The following COX4I2 variants were observed in gnomAD, a reference collection of about 807,000 sequenced individuals.
COX4I2 encodes the protein cytochrome c oxidase subunit 4 isoform 2, mitochondrial.
A neutral mutation model predicts 20.8 loss-of-function variants in COX4I2; 15 were observed. That is an observed-to-expected ratio of 0.72 (90% CI 0.48 to 1.11). The LOEUF (loss-of-function observed/expected upper bound fraction) is 1.11. Among genes scored for constraint, COX4I2 ranks in the 50% most tolerant of loss-of-function variants. The pLI, the probability that COX4I2 is intolerant of heterozygous loss-of-function variation, is 0.00. For synonymous variants in COX4I2, 80 were observed against 78.1 expected (o/e 1.02, Z -0.13); for missense variants, 224 against 223.0 (o/e 1.00, Z -0.03).
At chr20:31,638,214 C>T (rs1287452159) in intron 1 of COX4I2, among the ~76,000 whole-genome samples, 2 of 151,994 alleles carry the variant, frequency 1.3e-5, no homozygotes, top group Non-Finnish European at 2.9e-5. Flanking sequence ...AATCACTGGC[C>T]GGAGCCCCTC....
chr20:31,642,791 A>C (rs1432856793), intron 3 of COX4I2, among the ~76,000 whole-genome samples: 2 of 152,142 alleles, frequency 1.3e-5, no homozygotes, highest in Non-Finnish European at 2.9e-5. Context: ...TTTATTGCCT[A>C]GGATGGTCTT....
intron 1 of COX4I2, 60 bp from the exon 2 acceptor site, chr20:31,638,958 G>C: frequency 1.3e-6 from 2 of 1,525,426 alleles, no homozygotes; most frequent in Non-Finnish European, 1.8e-6. Context: ...ATCTGGCCCT[G>C]CGGTTTGGGG....
At chr20:31,641,037 G>A in intron 3 of COX4I2, among the ~76,000 whole-genome samples, 1 of 151,134 alleles carries the variant, frequency 6.6e-6, no homozygotes, top group East Asian at 1.9e-4. Context: ...TGACACTCTT[G>A]GGGGGAGAGG....
At chr20:31,643,636 A>C in intron 4 of COX4I2, 101 bp downstream of exon 4, 1 of 1,443,350 alleles carries the variant, frequency 6.9e-7, no homozygotes, top group South Asian at 1.2e-5. Context: ...ACTCATCTGA[A>C]GAGCTGAAAA....
chr20:31,644,750 C>A lies in COX4I2; in HGVS notation c.380-18C>A. 1 of 1,613,768 alleles carries A rather than the reference C, an allele frequency of 6.2e-7. No individual in the cohort carries two copies. The highest frequency in any genetic ancestry group is 8.5e-7 in the Non-Finnish European group (1 of 1,179,822). Reference sequence around the variant, plus strand: ...GAAGACTGGCAGGATCCTGATCCACCCCATGTACTCCCTGCAGTATTTCCT... The same window carrying A: ...GAAGACTGGCAGGATCCTGATCCACACCATGTACTCCCTGCAGTATTTCCT... On this transcript the variant is annotated intron_variant, in intron 4 of 4. Coordinates refer to ENST00000376075, the MANE Select transcript of COX4I2 (RefSeq NM_032609.3).
intron 3 of COX4I2, among the ~76,000 whole-genome samples, chr20:31,642,066 T>C (rs2060471176): frequency 6.6e-6 from 1 of 151,928 alleles, no homozygotes; most frequent in South Asian, 2.1e-4. Context: ...TTGCTCAGGC[T>C]GGTCTTGAAC....
intron 3 of COX4I2, among the ~76,000 whole-genome samples, chr20:31,640,532 G>A (rs1391308949): frequency 1.3e-5 from 2 of 152,118 alleles, no homozygotes; most frequent in East Asian, 1.9e-4. Context: ...CATGGGGAAG[G>A]GTGTCAGAGC....
intron 1 of COX4I2, among the ~76,000 whole-genome samples, chr20:31,638,241 G>C (rs1324311176): frequency 6.6e-6 from 1 of 151,904 alleles, no homozygotes; most frequent in Non-Finnish European, 1.5e-5. Flanking sequence ...AGAAGTGTGG[G>C]CCGCCCCCTC....
Position 31,644,863 on chromosome 20 carries a change from G to C in COX4I2, c.475G>C (p.Ala159Pro), listed in dbSNP as rs1459663570. The change falls in exon 5 of 5, where the codon GCC becomes CCC. Residue 159 changes from alanine to proline, a missense_variant. Coordinates refer to ENST00000376075, the MANE Select transcript of COX4I2 (RefSeq NM_032609.3). ...GAAGGTGAATCCTGTGCAGGGCCTGGCCTCCCGCTGGGACTATGAGAAGAA... is the reference window on the plus strand; with the variant it reads ...GAAGGTGAATCCTGTGCAGGGCCTGCCCTCCCGCTGGGACTATGAGAAGAA... Reference protein sequence around the residue: ...DMKVNPVQGLASRWDYEKKQW... With the variant: ...DMKVNPVQGLPSRWDYEKKQW... 1 of 1,614,050 alleles carries C rather than the reference G, an allele frequency of 6.2e-7. No homozygotes were observed. The highest frequency in any genetic ancestry group is 8.5e-7 in the Non-Finnish European group (1 of 1,179,994).
chr20:31,640,935 TTC>T (rs143299625), intron 3 of COX4I2, among the ~76,000 whole-genome samples: 23 of 130,040 alleles, frequency 1.8e-4, no homozygotes, highest in Admixed American at 2.4e-4. Flanking sequence ...CCTTTACCCC[TTC>T]TCTCTCTCTC....
At chr20:31,639,131 C>G in intron 2 of COX4I2, 32 bp downstream of exon 2, 2 of 1,585,022 alleles carry the variant, frequency 1.3e-6, no homozygotes, top group East Asian at 2.3e-5. Flanking sequence ...CCCTGCCTAA[C>G]TCCAGAGATA....
Position 31,642,674 on chromosome 20 carries a change from G to A in COX4I2, c.248-730G>A, listed in dbSNP as rs183227077. 3.3e-5 allele frequency among the ~76,000 whole-genome samples: 5 copies of A among 151,638 alleles called. No individual in the cohort carries two copies. In the East Asian group the frequency reaches 5.9e-4, roughly 18 times the overall value. ...AGGATGGTCTCGATCTCCTGACCTC[G>A]TGATCCACCACCTCGGCCTCCCAAA... On this transcript the variant is annotated intron_variant, in intron 3 of 4. Transcript: ENST00000376075.
At chr20:31,642,062 A>G (rs1040204587) in intron 3 of COX4I2, among the ~76,000 whole-genome samples, 2 of 152,144 alleles carry the variant, frequency 1.3e-5, no homozygotes, top group Non-Finnish European at 1.5e-5. Context: ...ATGGTTGCTC[A>G]GGCTGGTCTT....
chr20:31,640,611 G>A (rs896399702), intron 3 of COX4I2, among the ~76,000 whole-genome samples: 18 of 152,070 alleles, frequency 1.2e-4, no homozygotes, highest in East Asian at 1.9e-4. Flanking sequence ...CAGGTGAGGC[G>A]GTTGGGGAGG....
intron 1 of COX4I2, among the ~76,000 whole-genome samples, 159 bp downstream of exon 1, chr20:31,638,121 G>T (rs1568831155): frequency 6.6e-6 from 1 of 152,072 alleles, no homozygotes; most frequent in Non-Finnish European, 1.5e-5. Context: ...TGGGGAGTCT[G>T]CATATGTGTG....
chr20:31,639,916 C>G lies in COX4I2; in HGVS notation c.83-17C>G. ...CCAAGGGCAGCCTGGACTCAGCTCC[C>G]TCCATTGTGTCTGCAGCCCGTGGTG... On this transcript the variant is annotated splice_polypyrimidine_tract_variant and intron_variant, in intron 2 of 4. Transcript: ENST00000376075. The G allele has an allele frequency of 3.1e-6, 5 of 1,613,890 alleles. No homozygotes were observed. The highest frequency in any genetic ancestry group is 4.2e-6 in the Non-Finnish European group (5 of 1,179,942).
chr20:31,641,890 T>C (rs544332243), intron 3 of COX4I2, among the ~76,000 whole-genome samples: 8 of 151,656 alleles, frequency 5.3e-5, no homozygotes, highest in Admixed American at 2.6e-4. Context: ...ATTTTTTTTG[T>C]AGAGACAGGG....
intron 3 of COX4I2, 130 bp downstream of exon 3, chr20:31,640,227 TG>T: frequency 2.2e-6 from 2 of 914,386 alleles, no homozygotes; most frequent in Non-Finnish European, 3.3e-6. Context: ...ACCTGAGGGG[TG>T]AAGTTCATGC....
In COX4I2 at chr20:31,644,772, T is replaced by C; in HGVS notation, c.384T>C (p.Phe128=). The change falls in exon 5 of 5, where the codon TTT becomes TTC. Residue 128 remains phenylalanine (F), a synonymous_variant. Coordinates refer to ENST00000376075, the MANE Select transcript of COX4I2 (RefSeq NM_032609.3). ...CACCCCATGTACTCCCTGCAGTATT[T>C]CCTCCAAAGCCGATCACCTTGACGG... is the stretch of plus-strand genomic sequence containing the variant. ...LVIWWQRVYV[F]PPKPITLTDE... 1 of 1,613,910 alleles carries C rather than the reference T, an allele frequency of 6.2e-7. No individual in the cohort carries two copies. Among genetic ancestry groups the C allele is most frequent in the Non-Finnish European group, 8.5e-7 (1 of 1,179,936 alleles).
Sources: allele counts gnomAD v4.1 joint callset (sites outside exome capture counted in the v4.1 genomes callset), GRCh38; gene constraint gnomAD v4.1.1; transcripts MANE v1.5; gene names NCBI Gene and HGNC (gene_info 2026-07-23, HGNC 2026-07-21).